The following KDM2B variants were observed in gnomAD, a reference collection of about 807,000 sequenced individuals.
KDM2B encodes the protein lysine demethylase 2B.
A neutral mutation model predicts 150.0 loss-of-function variants in KDM2B; 26 were observed. That is an observed-to-expected ratio of 0.17 (90% CI 0.13 to 0.24). The LOEUF (loss-of-function observed/expected upper bound fraction) is 0.24, where lower values mean the gene tolerates loss of function less well. KDM2B is among the 10% of genes least tolerant of loss of function. The probability of loss-of-function intolerance (pLI) is 1.00; values close to 1 mark genes in which losing one functional copy is unlikely to be tolerated. For synonymous variants in KDM2B, 734 were observed against 729.5 expected, an observed-to-expected ratio of 1.01 and a Z score of -0.10; for missense variants, 1,265 against 1,816.9, an observed-to-expected ratio of 0.70 and a Z score of 5.52.
In KDM2B at chr12:121,575,690, G is replaced by T; in HGVS notation, c.350+91C>A. On this transcript the variant is annotated intron_variant, in intron 3 of 22. Transcript: ENST00000377071. The surrounding 1 kb of genome is among the most constrained non-coding windows in gnomAD (Gnocchi z 4.4). ...AAAAAGATCCTTCTCAGTGATGAGA[G>T]GTGGGAAGAGGGTGGAAGAAATCCA... The T allele has an allele frequency of 1.1e-6, 1 of 910,404 alleles. No homozygotes were observed. The highest frequency in any genetic ancestry group is 1.8e-6 in the Non-Finnish European group (1 of 542,644). 56.4% of individuals were successfully genotyped at this position (910,404 alleles called of 1,614,324 possible).
At chr12:121,449,429 C>T (rs542466354) in intron 13 of KDM2B, among the ~76,000 whole-genome samples, 3 of 152,164 alleles carry the variant, frequency 2.0e-5, no homozygotes, top group Non-Finnish European at 2.9e-5. Context: ...TCAGGCCAAG[C>T]CTGCATCTGC....
intron 8 of KDM2B, among the ~76,000 whole-genome samples, chr12:121,528,023 C>G (rs1173540668): frequency 6.6e-6 from 1 of 152,190 alleles, no homozygotes; most frequent in Non-Finnish European, 1.5e-5. Flanking sequence ...GCTTTCCTTA[C>G]TGATAATTAT....
At chr12:121,564,570 C>T (rs1159792565) in intron 4 of KDM2B, among the ~76,000 whole-genome samples, 2 of 151,734 alleles carry the variant, frequency 1.3e-5, no homozygotes, top group Non-Finnish European at 1.5e-5. Context: ...AATAACAAAC[C>T]CCAAAAATCA....
the KDM2B span, among the ~76,000 whole-genome samples, chr12:121,413,377 A>C: frequency 4.7e-5 from 7 of 149,084 alleles, no homozygotes; most frequent in Non-Finnish European, 7.4e-5. Flanking sequence ...GAGGTATATA[A>C]TCATTTAAAG....
chr12:121,549,327 C>A lies in KDM2B; in HGVS notation c.576+133G>T. On this transcript the variant is annotated intron_variant, in intron 5 of 22. Transcript: ENST00000377071. This position sits in a 1 kb window ranked among gnomAD's most constrained non-coding sequence, Gnocchi z 4.4. ...CAAACCACGTTACCAACCTTAGTCA[C>A]CCCTATGCCTGCCAAGCCCAGCCAG... 1 of 769,828 alleles carries A rather than the reference C, an allele frequency of 1.3e-6. No homozygotes were observed. The highest frequency in any genetic ancestry group is 2.6e-5 in the East Asian group (1 of 38,268). The allele number at this position is 769,828 out of a possible 1,614,324, so 47.7% of individuals were successfully genotyped here.
chr12:121,426,292 T>C (rs1555284227), downstream of KDM2B, among the ~76,000 whole-genome samples: 1 of 152,244 alleles, frequency 6.6e-6, no homozygotes, highest in African/African-American at 2.4e-5. Flanking sequence ...TAGTTTGAAG[T>C]AACCCTGGTT....
chr12:121,445,817 C>A (rs565099311), intron 13 of KDM2B, among the ~76,000 whole-genome samples: 13 of 152,166 alleles, frequency 8.5e-5, no homozygotes, highest in African/African-American at 2.9e-4. Context: ...TCAGAAAAGC[C>A]CCAAAGGAGC....
At chr12:121,530,504 G>A (rs1295638825) in intron 8 of KDM2B, among the ~76,000 whole-genome samples, 1 of 151,826 alleles carries the variant, frequency 6.6e-6, no homozygotes, top group Non-Finnish European at 1.5e-5. Context: ...GCTGGGAACC[G>A]CTGAACTATG....
chr12:121,411,021 A>G, the KDM2B span, among the ~76,000 whole-genome samples: 1 of 151,194 alleles, frequency 6.6e-6, no homozygotes. Flanking sequence ...CATAGTCTCA[A>G]CCTCCCAGGC....
chr12:121,556,760 G>A (rs976631045), intron 4 of KDM2B, among the ~76,000 whole-genome samples: 1 of 151,846 alleles, frequency 6.6e-6, no homozygotes, highest in Non-Finnish European at 1.5e-5. Flanking sequence ...GCTGAGGCAG[G>A]AGAATCACTT....
At chr12:121,421,157 A>G in the KDM2B span, among the ~76,000 whole-genome samples, 1 of 152,040 alleles carries the variant, frequency 6.6e-6, no homozygotes, top group Non-Finnish European at 1.5e-5. Flanking sequence ...GTAGGGGGAA[A>G]ATTCCCTATA....
At chr12:121,441,282 AG>A in intron 19 of KDM2B, 49 bp from the exon 20 acceptor site, 1 of 1,575,218 alleles carries the variant, frequency 6.3e-7, no homozygotes, top group South Asian at 1.1e-5. Flanking sequence ...GGGCTCCTCT[AG>A]GGAGCCCACA....
intron 13 of KDM2B, among the ~76,000 whole-genome samples, chr12:121,445,818 C>T (rs1340332125): frequency 6.6e-6 from 1 of 152,026 alleles, no homozygotes; most frequent in Non-Finnish European, 1.5e-5. Flanking sequence ...CAGAAAAGCC[C>T]CAAAGGAGCA....
chr12:121,531,908 C>T lies in KDM2B; in HGVS notation c.931+898G>A, dbSNP rs182997568. ...AGGAGTTGGAGACCAGCCGGGACAA[C>T]ATGGCAAAACCCCACCTCTACTAAA... On this transcript the variant is annotated intron_variant, in intron 8 of 22. Transcript: ENST00000377071. Among the ~76,000 whole-genome samples, 316 of 152,268 alleles carry T rather than the reference C, an allele frequency of 2.1e-3. 2 individuals carry two copies. The highest frequency in any genetic ancestry group is 0.017 in the Middle Eastern group (5 of 294).
Position 121,442,841 on chromosome 12 carries a change from G to A in KDM2B, c.2605-5C>T. 6.6e-7 allele frequency: 1 copy of A among 1,518,136 alleles called. No individual in the cohort carries two copies. Among genetic ancestry groups the A allele is most frequent in the Non-Finnish European group, 8.8e-7 (1 of 1,138,180 alleles). The allele number at this position is 1,518,136 out of a possible 1,614,324, so 94.0% of individuals were successfully genotyped here. A position where few individuals can be genotyped will look rare whatever the true frequency, so the allele number is the denominator to read the frequency against. Reference sequence around the variant, plus strand: ...GGCGTTCTTCCAGGACCGCCGCTGAGGGCGAGAGCGGAGACGCGTCAGCCT... The same window carrying A: ...GGCGTTCTTCCAGGACCGCCGCTGAAGGCGAGAGCGGAGACGCGTCAGCCT... On this transcript the variant is annotated splice_region_variant and splice_polypyrimidine_tract_variant and intron_variant, in intron 18 of 22. Coordinates refer to ENST00000377071, the MANE Select transcript of KDM2B (RefSeq NM_032590.5). The surrounding 1 kb of genome is among the most constrained non-coding windows in gnomAD (Gnocchi z 7.7).
At chr12:121,532,431 C>T (rs1887738026) in intron 8 of KDM2B, among the ~76,000 whole-genome samples, 1 of 152,174 alleles carries the variant, frequency 6.6e-6, no homozygotes, top group African/African-American at 2.4e-5. Context: ...AAGTCACAGC[C>T]TCTAAGTGGT....
chr12:121,475,198 G>GTGTA (rs1555296539), intron 12 of KDM2B, among the ~76,000 whole-genome samples: 2 of 145,812 alleles, frequency 1.4e-5, no homozygotes, highest in Middle Eastern at 3.4e-3. Flanking sequence ...GTGTGTGTGT[G>GTGTA]TGTGTGTGTG....
chr12:121,560,726 G>A (rs1356787793), intron 4 of KDM2B, among the ~76,000 whole-genome samples: 11 of 152,112 alleles, frequency 7.2e-5, no homozygotes, highest in Admixed American at 3.9e-4. Flanking sequence ...CCAGCCTCCC[G>A]GTCTGATCTG....
intron 11 of KDM2B, among the ~76,000 whole-genome samples, chr12:121,502,777 A>C (rs1399113026): frequency 6.6e-6 from 1 of 150,436 alleles, no homozygotes; most frequent in African/African-American, 2.4e-5. Flanking sequence ...AAAAAAAAAA[A>C]AAAAAAAAAA....
Sources: allele counts gnomAD v4.1 joint callset (sites outside exome capture counted in the v4.1 genomes callset), GRCh38; gene constraint gnomAD v4.1.1; non-coding constraint Gnocchi (gnomAD v3.1); transcripts MANE v1.5; gene names NCBI Gene and HGNC (gene_info 2026-07-23, HGNC 2026-07-21).